PBX1: variants seen among roughly 807,000 people sequenced by gnomAD.
The protein encoded by PBX1 is pre-B-cell leukemia transcription factor 1.
Under a neutral mutation model 53.4 loss-of-function variants are expected in PBX1, and 6 were observed. The ratio of observed to expected loss-of-function variants is 0.11; its 90% CI spans 0.06 to 0.22. The LOEUF is 0.22. PBX1 is among the 10% of genes least tolerant of loss of function. The pLI, the probability that PBX1 is intolerant of heterozygous loss-of-function variation, is 1.00. For synonymous variants in PBX1, 204 were observed against 212.3 expected (o/e 0.96, Z 0.34); for missense variants, 251 against 551.4 (o/e 0.46, Z 5.46).
intron 7 of PBX1, among the ~76,000 whole-genome samples, chr1:164,820,929 A>G (rs1006375867): frequency 2.6e-5 from 4 of 152,206 alleles, no homozygotes; most frequent in African/African-American, 9.7e-5. Context: ...TGGAACAAGA[A>G]GCATTACAAG....
In PBX1 at chr1:164,847,072, C is replaced by A. The variant is rs1421653911; in HGVS notation, c.*396C>A. 4.5e-6 allele frequency: 5 copies of A among 1,102,322 alleles called. No individual in the cohort carries two copies. The East Asian group carries it at 2.1e-4, about 47-fold the overall frequency. The allele number at this position is 1,102,322 out of a possible 1,614,324, so 68.3% of individuals were successfully genotyped here. A position where few individuals can be genotyped will look rare whatever the true frequency, so the allele number is the denominator to read the frequency against. On this transcript the variant is annotated 3_prime_UTR_variant, in exon 9 of 9. Coordinates refer to ENST00000420696, the MANE Select transcript of PBX1 (RefSeq NM_002585.4). ...AATAATAAAAGTGTTTGTACGTTTT[C>A]ATGCTGGTGGTTTGAGGAGCCAAAT...
intron 2 of PBX1, among the ~76,000 whole-genome samples, chr1:164,862,755 C>G (rs969109413): frequency 5.3e-5 from 8 of 152,166 alleles, no homozygotes; most frequent in Non-Finnish European, 1.2e-4. Context: ...CCAGCCAACA[C>G]CATTGCCAAT....
chr1:164,789,963 C>T (rs938750145), intron 2 of PBX1, among the ~76,000 whole-genome samples: 4 of 138,372 alleles, frequency 2.9e-5, no homozygotes, highest in East Asian at 2.0e-4. Context: ...GGCTCAGAGG[C>T]GATTCTTTTT....
At chr1:164,590,963 G>A (rs1655330888) in intron 2 of PBX1, among the ~76,000 whole-genome samples, 1 of 151,780 alleles carries the variant, frequency 6.6e-6, no homozygotes, top group South Asian at 2.1e-4. Flanking sequence ...TCCTTCTTCA[G>A]CCTCGTGAGT....
intron 2 of PBX1, among the ~76,000 whole-genome samples, chr1:164,575,244 G>T (rs1308385650): frequency 1.3e-5 from 2 of 152,216 alleles, no homozygotes; most frequent in Non-Finnish European, 2.9e-5. Flanking sequence ...TGGAATGGTG[G>T]AGTTACTTGT....
At chr1:164,560,403 T>C (rs1198218063) in intron 1 of PBX1, 2 of 393,620 alleles carry the variant, frequency 5.1e-6, no homozygotes, top group Admixed American at 4.4e-5. Context: ...CCATGCCTTC[T>C]TGTTGAGGGG....
intron 2 of PBX1, among the ~76,000 whole-genome samples, chr1:164,714,371 G>C (rs1377145136): frequency 6.6e-6 from 1 of 152,190 alleles, no homozygotes; most frequent in Non-Finnish European, 1.5e-5. Context: ...ACACATAGGT[G>C]AGTTACATTA....
At chr1:164,844,103 C>CT (rs1671437614) in intron 8 of PBX1, among the ~76,000 whole-genome samples, 11 of 125,040 alleles carry the variant, frequency 8.8e-5, no homozygotes, top group Admixed American at 6.9e-4. Flanking sequence ...TTTTTTCTTT[C>CT]TTTCTTTCTT....
chr1:164,733,555 A>T (rs1665111365), intron 2 of PBX1, among the ~76,000 whole-genome samples: 1 of 152,226 alleles, frequency 6.6e-6, no homozygotes, highest in Non-Finnish European at 1.5e-5. Context: ...AAATTCAAAC[A>T]GTACATTGAT....
rs1045560296 is a variant in PBX1 at position 164,820,441 on chromosome 1, G to A, written c.1110+257G>A. Among the ~76,000 whole-genome samples the A allele has an allele frequency of 1.1e-4, 16 of 152,240 alleles. No individual in the cohort carries two copies. The South Asian group carries it at 1.9e-3, about 18-fold the overall frequency. ...ACAGTAAGCACAGGGCAAGGTGACC[G>A]AGACACATCAGGCAGGTGGAACCAG... On this transcript the variant is annotated intron_variant, in intron 7 of 8. Coordinates refer to ENST00000420696, the MANE Select transcript of PBX1 (RefSeq NM_002585.4).
intron 2 of PBX1, among the ~76,000 whole-genome samples, chr1:164,668,809 A>G (rs1356888756): frequency 2.0e-5 from 3 of 152,196 alleles, no homozygotes; most frequent in Non-Finnish European, 4.4e-5. Context: ...ATGATATGTA[A>G]ATATCCTTGA....
chr1:164,598,239 A>C (rs977878938), intron 2 of PBX1, among the ~76,000 whole-genome samples: 1 of 152,224 alleles, frequency 6.6e-6, no homozygotes, highest in African/African-American at 2.4e-5. Flanking sequence ...TATTCAAACC[A>C]TAGCCAGTTT....
intron 2 of PBX1, among the ~76,000 whole-genome samples, chr1:164,588,834 C>T (rs1655147162): frequency 6.6e-6 from 1 of 152,158 alleles, no homozygotes; most frequent in African/African-American, 2.4e-5. Context: ...TATCCCTCCG[C>T]CCCCACCATG....
intron 2 of PBX1, among the ~76,000 whole-genome samples, chr1:164,764,635 G>C (rs948157048): frequency 6.6e-6 from 1 of 152,034 alleles, no homozygotes; most frequent in Non-Finnish European, 1.5e-5. Flanking sequence ...TACATTTTCA[G>C]CTGCATTTTT....
At chr1:164,845,440 G>C (rs1671522868) in intron 8 of PBX1, among the ~76,000 whole-genome samples, 1 of 151,478 alleles carries the variant, frequency 6.6e-6, no homozygotes, top group Admixed American at 6.6e-5. Flanking sequence ...TGAGAGGATA[G>C]TACAATAGAA....
intron 2 of PBX1, among the ~76,000 whole-genome samples, chr1:164,713,157 G>T (rs772190239): frequency 6.6e-6 from 1 of 152,144 alleles, no homozygotes; most frequent in African/African-American, 2.4e-5. Context: ...GGGAGGAGTT[G>T]TAAGTTTTCA....
At chr1:164,650,850 A>T (rs1045816656) in intron 2 of PBX1, among the ~76,000 whole-genome samples, 1 of 151,736 alleles carries the variant, frequency 6.6e-6, no homozygotes, top group African/African-American at 2.4e-5. Context: ...GTAGCATTTC[A>T]GATCCTTCTC....
chr1:164,716,213 A>ATC (rs1385300808), intron 2 of PBX1, among the ~76,000 whole-genome samples: 1 of 152,158 alleles, frequency 6.6e-6, no homozygotes, highest in African/African-American at 2.4e-5. Context: ...CCACCCACTG[A>ATC]TCTATGCAAG....
chr1:164,825,579 T>G (rs1364064315), intron 8 of PBX1, among the ~76,000 whole-genome samples: 3 of 152,206 alleles, frequency 2.0e-5, no homozygotes, highest in Non-Finnish European at 2.9e-5. Flanking sequence ...TATACTGTCT[T>G]TAAGATCCAA....
Sources: gnomAD v4.1 joint callset for allele counts (sites outside exome capture counted in the v4.1 genomes callset) on GRCh38, gnomAD v4.1.1 for gene constraint, MANE v1.5 for transcripts, NCBI Gene and HGNC (gene_info 2026-07-23, HGNC 2026-07-21) for gene names.